The following GTF2I variants were observed in gnomAD, a reference collection of about 807,000 sequenced individuals.
GTF2I encodes the protein general transcription factor IIi, also known as general transcription factor II-I.
Under a neutral mutation model 67.6 loss-of-function variants are expected in GTF2I, and 12 were observed. The observed-to-expected ratio is 0.18, with a 90% CI of 0.11 to 0.29. The LOEUF (loss-of-function observed/expected upper bound fraction) is 0.29. Among genes scored for constraint, GTF2I ranks in the 10% least tolerant of loss-of-function variants. GTF2I has a pLI of 1.00. For synonymous variants in GTF2I, 149 were observed against 197.0 expected (o/e 0.76, Z 2.04); for missense variants, 271 against 580.1 (o/e 0.47, Z 5.47).
intron 6 of GTF2I, among the ~76,000 whole-genome samples, chr7:74,702,553 T>TATA (rs1789950592): frequency 1.3e-5 from 2 of 152,120 alleles, no homozygotes; most frequent in Admixed American, 6.5e-5. Flanking sequence ...GACAAGCTGT[T>TATA]TTCCAAGGTG....
intron 1 of GTF2I, among the ~76,000 whole-genome samples, chr7:74,669,725 G>A (rs1335910771): frequency 6.6e-6 from 1 of 151,896 alleles, no homozygotes; most frequent in Non-Finnish European, 1.5e-5. Flanking sequence ...TAGAGACGGG[G>A]TTTCACCATA....
intron 1 of GTF2I, among the ~76,000 whole-genome samples, chr7:74,672,422 T>C (rs188069329): frequency 3.4e-4 from 51 of 151,994 alleles, no homozygotes; most frequent in African/African-American, 1.1e-3. Context: ...ACCCCTGTAA[T>C]CCCAGCTACT....
intron 1 of GTF2I, among the ~76,000 whole-genome samples, chr7:74,684,256 C>T (rs587698900): frequency 2.0e-5 from 3 of 152,344 alleles, no homozygotes; most frequent in Admixed American, 2.0e-4. Context: ...CTTTTTCCAA[C>T]CCTTCTTATT....
intron 1 of GTF2I, among the ~76,000 whole-genome samples, chr7:74,675,721 G>C (rs1805843152): frequency 6.6e-6 from 1 of 152,008 alleles, no homozygotes; most frequent in Non-Finnish European, 1.5e-5. Flanking sequence ...GTTTGAAAGA[G>C]AATGGGGGGC....
At chr7:74,752,371 C>T (rs1322219300) in intron 28 of GTF2I, among the ~76,000 whole-genome samples, 1 of 150,900 alleles carries the variant, frequency 6.6e-6, no homozygotes, top group Non-Finnish European at 1.5e-5. Flanking sequence ...TGGCACTTGG[C>T]ATGAGCTAAA....
chr7:74,680,099 A>AAAAT, intron 1 of GTF2I, among the ~76,000 whole-genome samples: 40 of 94,964 alleles, frequency 4.2e-4, no homozygotes, highest in African/African-American at 1.4e-3. Flanking sequence ...AAAAAAAAAA[A>AAAAT]ATATATATAT....
intron 1 of GTF2I, among the ~76,000 whole-genome samples, chr7:74,666,898 T>C (rs1390695719): frequency 6.6e-6 from 1 of 151,796 alleles, no homozygotes; most frequent in Non-Finnish European, 1.5e-5. Flanking sequence ...GAGAATGGTG[T>C]GAAACCGGCA....
At chr7:74,695,523 G>A (rs188416610) in intron 3 of GTF2I, among the ~76,000 whole-genome samples, 1 of 152,262 alleles carries the variant, frequency 6.6e-6, no homozygotes, top group East Asian at 1.9e-4. Flanking sequence ...AACTTCTGAT[G>A]TCAGTTTAGA....
intron 9 of GTF2I, among the ~76,000 whole-genome samples, chr7:74,711,784 C>G (rs2131400548): frequency 6.6e-6 from 1 of 152,122 alleles, no homozygotes; most frequent in South Asian, 2.1e-4. Context: ...TAGTAGATTC[C>G]ATTTGATTGT....
chr7:74,726,925 TAGATAGATAGATAGATAGAA>T (rs1233365428), intron 12 of GTF2I: 2 of 151,408 alleles, frequency 1.3e-5, no homozygotes, highest in African/African-American at 2.4e-5. Flanking sequence ...GATAGATAGA[TAGATAGATAGATAGATAGAA>T]AGAATGAGAC....
intron 12 of GTF2I, among the ~76,000 whole-genome samples, chr7:74,721,762 T>C (rs1793034082): frequency 6.6e-6 from 1 of 152,050 alleles, no homozygotes; most frequent in African/African-American, 2.4e-5. Flanking sequence ...AAAATTTTGG[T>C]ATATCTTCAT....
chr7:74,671,677 G>A (rs143559993), intron 1 of GTF2I, among the ~76,000 whole-genome samples: 44 of 151,926 alleles, frequency 2.9e-4, no homozygotes, highest in Non-Finnish European at 2.5e-4. Context: ...GTCAGCATAC[G>A]CCCCTAGAAA....
Position 74,731,451 on chromosome 7 carries a change from A to G in GTF2I, c.1121-1028A>G, listed in dbSNP as rs1476984881. 3.4e-5 allele frequency among the ~76,000 whole-genome samples: 5 copies of G among 146,582 alleles called. No individual in the cohort carries two copies. The South Asian group carries it at 1.1e-3, about 32-fold the overall frequency. ...TGCTAATGAATTCAGTAACTTTTCC[A>G]TATTTTTAGTGGTTTACTTAAGGTT... On this transcript the variant is annotated intron_variant, in intron 14 of 34. Coordinates refer to ENST00000573035, the MANE Select transcript of GTF2I (RefSeq NM_032999.4).
At chr7:74,705,447 C>T (rs142283900) in intron 7 of GTF2I, among the ~76,000 whole-genome samples, 116 of 151,988 alleles carry the variant, frequency 7.6e-4, no homozygotes, top group African/African-American at 2.7e-3. Context: ...TGTGAATTGG[C>T]CTTAGAGTGG....
chr7:74,678,216 G>A (rs959302436), intron 1 of GTF2I, among the ~76,000 whole-genome samples: 15 of 146,754 alleles, frequency 1.0e-4, no homozygotes, highest in Admixed American at 6.8e-4. Context: ...TACTGAGCCC[G>A]GCTTTTTTTT....
chr7:74,722,406 T>C (rs1236274924), intron 12 of GTF2I, among the ~76,000 whole-genome samples: 1 of 152,186 alleles, frequency 6.6e-6, no homozygotes, highest in Non-Finnish European at 1.5e-5. Flanking sequence ...GTATGTTATC[T>C]CTAATGTGTG....
chr7:74,714,457 A>G (rs376211253), intron 9 of GTF2I, among the ~76,000 whole-genome samples: 8 of 152,280 alleles, frequency 5.3e-5, no homozygotes, highest in African/African-American at 1.7e-4. Flanking sequence ...AAGAGTAAGC[A>G]AATATTTGCC....
At chr7:74,679,342 C>T (rs1554393388) in intron 1 of GTF2I, among the ~76,000 whole-genome samples, 3 of 152,180 alleles carry the variant, frequency 2.0e-5, no homozygotes, top group Admixed American at 6.5e-5. Context: ...TCCCAAAATG[C>T]TGGGATTACA....
intron 12 of GTF2I, among the ~76,000 whole-genome samples, chr7:74,724,574 T>C (rs1375202042): frequency 2.6e-5 from 4 of 152,180 alleles, no homozygotes; most frequent in African/African-American, 7.2e-5. Context: ...CGGAGTGCTT[T>C]TGTTAGTGTG....
Sources: gnomAD v4.1 joint callset for allele counts (sites outside exome capture counted in the v4.1 genomes callset) on GRCh38, gnomAD v4.1.1 for gene constraint, MANE v1.5 for transcripts, NCBI Gene and HGNC (gene_info 2026-07-23, HGNC 2026-07-21) for gene names.